RSPH14: variants seen among roughly 807,000 people sequenced by gnomAD.
RSPH14 encodes the protein radial spoke head 14 homolog.
A neutral mutation model predicts 26.7 loss-of-function variants in RSPH14; 20 were observed. The observed-to-expected ratio is 0.75, with a 90% confidence interval of 0.53 to 1.09. RSPH14 has a LOEUF of 1.09. Ranked by LOEUF, RSPH14 falls within the 50% of genes least tolerant of loss-of-function variation. RSPH14 has a pLI of 0.00. For synonymous variants in RSPH14, 177 were observed against 189.3 expected (o/e 0.93, Z 0.53); for missense variants, 449 against 457.2 (o/e 0.98, Z 0.16).
At chr22:23,158,848 T>G in the RSPH14 span, 15 of 1,522,096 alleles carry the variant, frequency 9.9e-6, no homozygotes, top group Non-Finnish European at 1.4e-5. Flanking sequence ...TGCCCCCTGT[T>G]TGGGGTGGGA....
At chr22:23,118,892 A>G (rs946261568) in intron 4 of RSPH14, among the ~76,000 whole-genome samples, 2 of 152,252 alleles carry the variant, frequency 1.3e-5, no homozygotes, top group Non-Finnish European at 2.9e-5. Flanking sequence ...GAAGGAGAAC[A>G]GAGCCACATC....
chr22:23,078,697 C>G (rs2068580435), intron 4 of RSPH14, among the ~76,000 whole-genome samples: 2 of 152,218 alleles, frequency 1.3e-5, no homozygotes. Flanking sequence ...GGGATTATCC[C>G]CATCACTGGC....
the RSPH14 span, among the ~76,000 whole-genome samples, chr22:23,158,307 C>T: frequency 6.6e-6 from 1 of 152,236 alleles, no homozygotes; most frequent in African/African-American, 2.4e-5. Flanking sequence ...CCCCAACCTG[C>T]TTTAATACAC....
At chr22:23,152,117 C>A in the RSPH14 span, among the ~76,000 whole-genome samples, 4 of 152,228 alleles carry the variant, frequency 2.6e-5, no homozygotes, top group Admixed American at 2.6e-4. Flanking sequence ...ACAGACGTGC[C>A]CACGGCTGTT....
chr22:23,101,779 C>T (rs2069308610), intron 4 of RSPH14, among the ~76,000 whole-genome samples: 1 of 152,236 alleles, frequency 6.6e-6, no homozygotes, highest in Non-Finnish European at 1.5e-5. Flanking sequence ...ACACTGGGCT[C>T]CCAAGGACTG....
intron 4 of RSPH14, among the ~76,000 whole-genome samples, chr22:23,120,835 G>A (rs377152374): frequency 1.3e-5 from 2 of 152,190 alleles, no homozygotes; most frequent in South Asian, 4.1e-4. Flanking sequence ...AGCTGATGTG[G>A]ACTCAGGGCG....
At chr22:23,133,913 T>C (rs1333347512) in intron 4 of RSPH14, 113 bp downstream of exon 4, 3 of 724,634 alleles carry the variant, frequency 4.1e-6, no homozygotes, top group South Asian at 1.5e-5. Flanking sequence ...AATATGTATG[T>C]TGTAATTTAA....
the RSPH14 span, among the ~76,000 whole-genome samples, chr22:23,171,063 G>T: frequency 4.6e-5 from 7 of 152,038 alleles, no homozygotes; most frequent in Non-Finnish European, 1.0e-4. Context: ...TGCCTCCCGG[G>T]TTCAAGCGAT....
intron 4 of RSPH14, chr22:23,133,082 C>T (rs1490389463): frequency 6.6e-6 from 1 of 152,112 alleles, no homozygotes; most frequent in Non-Finnish European, 1.5e-5. Flanking sequence ...CCCAGGCCAG[C>T]CATTCTCTTC....
At chr22:23,140,589 G>A (rs2070579400) in intron 1 of RSPH14, 117 bp from the exon 2 acceptor site, 3 of 1,172,314 alleles carry the variant, frequency 2.6e-6, no homozygotes, top group Admixed American at 2.9e-5. Context: ...TTTTACAGAT[G>A]AGCAAACTGA....
chr22:23,157,035 A>G, the RSPH14 span, among the ~76,000 whole-genome samples: 1 of 152,282 alleles, frequency 6.6e-6, no homozygotes, highest in South Asian at 2.1e-4. Flanking sequence ...GGGGCAGTAG[A>G]GAGCATTTGC....
chr22:23,124,439 C>T, intron 4 of RSPH14: 3 of 469,226 alleles, frequency 6.4e-6, no homozygotes, highest in South Asian at 3.1e-5. Context: ...GCGCCAGCCT[C>T]GCGGGACACG....
chr22:23,087,224 G>C (rs1390136557), intron 4 of RSPH14, among the ~76,000 whole-genome samples: 1 of 152,198 alleles, frequency 6.6e-6, no homozygotes, highest in African/African-American at 2.4e-5. Context: ...CCAGCACTTT[G>C]GGAGGCTGAG....
At chr22:23,153,316 A>C in the RSPH14 span, among the ~76,000 whole-genome samples, 2 of 152,092 alleles carry the variant, frequency 1.3e-5, no homozygotes, top group Non-Finnish European at 2.9e-5. Flanking sequence ...TGTCAGTCCC[A>C]AAGTTGTCTC....
chr22:23,152,976 G>A, the RSPH14 span: 17 of 1,256,758 alleles, frequency 1.4e-5, no homozygotes, highest in Non-Finnish European at 2.0e-5. Flanking sequence ...TACAAGTGAA[G>A]CTTCCGGGCA....
the RSPH14 span, chr22:23,155,937 C>A: frequency 6.3e-7 from 1 of 1,587,098 alleles, no homozygotes; most frequent in Non-Finnish European, 8.6e-7. Context: ...AGCCTGACAC[C>A]ATTTCCCTTT....
At chr22:23,123,137 C>T (rs780128868) in intron 4 of RSPH14, 26 of 1,613,976 alleles carry the variant, frequency 1.6e-5, no homozygotes, top group Non-Finnish European at 2.2e-5. Flanking sequence ...GCAACAACAA[C>T]TGGTTCATCA....
chr22:23,171,392 A>AGT, the RSPH14 span, among the ~76,000 whole-genome samples: 5 of 152,158 alleles, frequency 3.3e-5, no homozygotes, highest in African/African-American at 1.2e-4. Context: ...AGTGCACTAA[A>AGT]GCCCAGAACT....
intron 6 of RSPH14, 132 bp downstream of exon 6, chr22:23,061,676 CA>C: frequency 8.6e-7 from 1 of 1,167,544 alleles, no homozygotes; most frequent in Non-Finnish European, 1.2e-6. Context: ...AGTGATAGGC[CA>C]AGGGGAGGTT....
Sources: allele counts gnomAD v4.1 joint callset (sites outside exome capture counted in the v4.1 genomes callset), GRCh38; gene constraint gnomAD v4.1.1; transcripts MANE v1.5; gene names NCBI Gene and HGNC (gene_info 2026-07-23, HGNC 2026-07-21).